The following SIPA1L1 variants were observed in gnomAD, a reference collection of about 807,000 sequenced individuals.
The protein encoded by SIPA1L1 is signal induced proliferation associated 1 like 1.
SIPA1L1 carries 26 observed loss-of-function variants against 162.7 expected under a neutral mutation model. That is an observed-to-expected ratio of 0.16 (90% CI 0.12 to 0.22). The LOEUF (loss-of-function observed/expected upper bound fraction) is 0.22. Among genes scored for constraint, SIPA1L1 ranks in the 10% least tolerant of loss-of-function variants. SIPA1L1 has a pLI of 1.00. For synonymous variants in SIPA1L1, 829 were observed against 837.4 expected (o/e 0.99, Z 0.17); for missense variants, 1,874 against 2,241.0 (o/e 0.84, Z 3.31).
intron 4 of SIPA1L1, among the ~76,000 whole-genome samples, chr14:71,572,731 C>T (rs1438583092): frequency 1.3e-5 from 2 of 152,050 alleles, no homozygotes; most frequent in African/African-American, 4.8e-5. Flanking sequence ...GATTTTTTTG[C>T]TTCTTATGTT....
chr14:71,671,279 A>G lies in SIPA1L1; in HGVS notation c.2416A>G (p.Thr806Ala), dbSNP rs771267714. Reference protein sequence around the residue: ...HKSEKFRAMATRTRQEYLKDL... With the variant: ...HKSEKFRAMAARTRQEYLKDL... Reference sequence around the variant, plus strand: ...ATCGGAGAAGTTTCGGGCCATGGCAACTCGGACCCGCCAGGAATACCTGAA... The same window carrying G: ...ATCGGAGAAGTTTCGGGCCATGGCAGCTCGGACCCGCCAGGAATACCTGAA... The change falls in exon 11 of 24, where the codon ACT becomes GCT. Residue 806 changes from threonine to alanine, a missense_variant. Thr to Ala is a moderately conservative substitution (Grantham distance 58). This residue lies in a region of SIPA1L1 where 243 missense variants were observed against 315.0 expected (regional missense o/e 0.77). Transcript: ENST00000381232. 4.3e-6 allele frequency: 7 copies of G among 1,614,202 alleles called. No individual in the cohort carries two copies. The highest frequency in any genetic ancestry group is 5.9e-6 in the Non-Finnish European group (7 of 1,180,040).
rs78326051 is a variant in SIPA1L1, at chr14:71,613,368, C to CT, written c.1499-5376dup. 4.6e-3 allele frequency among the ~76,000 whole-genome samples: 645 copies of CT among 140,106 alleles called. 8 individuals carry two copies. The highest frequency in any genetic ancestry group is 0.012 in the African/African-American group (462 of 38,550). The allele number at this position is 140,106 out of a possible 152,430, so 91.9% of individuals were successfully genotyped here. A position where few individuals can be genotyped will look rare whatever the true frequency, so the allele number is the denominator to read the frequency against. The stretch of plus-strand genomic sequence containing the variant: ...ACATGTATAAAAAAGAAGGAAGTAC[C>CT]TTTTTTTTTTTTTGGTTGATATGAT... On this transcript the variant is annotated intron_variant, in intron 5 of 23. Transcript: ENST00000381232.
chr14:71,449,281 G>T (rs2045638551), intron 2 of SIPA1L1, among the ~76,000 whole-genome samples: 1 of 152,338 alleles, frequency 6.6e-6, no homozygotes, highest in Non-Finnish European at 1.5e-5. Flanking sequence ...TTAAACTCTA[G>T]TTATGGTTTT....
intron 2 of SIPA1L1, among the ~76,000 whole-genome samples, chr14:71,479,600 G>A (rs186417942): frequency 6.6e-6 from 1 of 151,720 alleles, no homozygotes; most frequent in Non-Finnish European, 1.5e-5. Context: ...TAGAGACAAG[G>A]TCTCACTATA....
chr14:71,727,436 CT>C (rs75777361), intron 19 of SIPA1L1, among the ~76,000 whole-genome samples: 15,485 of 142,516 alleles, frequency 0.11, 951 homozygotes, highest in East Asian at 0.35. Flanking sequence ...CTCAGGAAGC[CT>C]TTTTTTTTTT....
intron 2 of SIPA1L1, among the ~76,000 whole-genome samples, chr14:71,438,657 G>A (rs1422405541): frequency 6.6e-6 from 1 of 152,190 alleles, no homozygotes; most frequent in East Asian, 1.9e-4. Flanking sequence ...AAAATTGTTT[G>A]TGCAGAATTC....
At chr14:71,475,531 A>G (rs1334120788) in intron 2 of SIPA1L1, among the ~76,000 whole-genome samples, 2 of 152,196 alleles carry the variant, frequency 1.3e-5, no homozygotes, top group African/African-American at 2.4e-5. Flanking sequence ...ATTTTTGGCA[A>G]ATTATGTCAG....
Position 71,709,646 on chromosome 14 carries a change from A to T in SIPA1L1, c.4190A>T (p.Asp1397Val), listed in dbSNP as rs2082720503. The T allele has an allele frequency of 6.2e-7, 1 of 1,612,428 alleles. No individual in the cohort carries two copies. The highest frequency in any genetic ancestry group is 1.3e-5 in the African/African-American group (1 of 74,840). ...GAGAACAGCACCTTCAGTATAAACG[A>T]TGCTGCTTCCCACACAAGGTAACCA... Reference protein sequence around the residue: ...TRENSTFSINDAASHTSTMSS... With the variant: ...TRENSTFSINVAASHTSTMSS... Residue 1397 changes from aspartate (D) to valine (V), a missense_variant, in exon 17 of 24, where the codon GAT becomes GTT. Physicochemically the swap from Asp to Val is radical, Grantham distance 152 (BLOSUM62 -3). This residue lies in a region of SIPA1L1 where 936 missense variants were observed against 1,051.9 expected (regional missense o/e 0.89). Coordinates refer to ENST00000381232, the MANE Select transcript of SIPA1L1 (RefSeq NM_001386936.1).
intron 2 of SIPA1L1, among the ~76,000 whole-genome samples, chr14:71,505,960 TCC>T (rs34146532): frequency 1.5e-5 from 2 of 137,748 alleles, no homozygotes; most frequent in African/African-American, 5.3e-5. Flanking sequence ...ATGCAAATAT[TCC>T]CCCCCCCCAA....
intron 12 of SIPA1L1, among the ~76,000 whole-genome samples, chr14:71,681,167 C>T (rs892992936): frequency 2.6e-5 from 4 of 152,182 alleles, no homozygotes; most frequent in African/African-American, 9.7e-5. Context: ...TCCTGGTAGA[C>T]TTCACTGGAA....
intron 4 of SIPA1L1, among the ~76,000 whole-genome samples, chr14:71,544,017 ACATACGCACATGTATGTATATACACACG>A (rs2054810307): frequency 2.0e-5 from 3 of 149,086 alleles, no homozygotes; most frequent in African/African-American, 7.7e-5. Flanking sequence ...GTATATATAC[ACATACGCACATGTATGTATATACACACG>A]CACGCACATG....
chr14:71,501,878 T>C (rs2050244665), intron 2 of SIPA1L1, among the ~76,000 whole-genome samples: 1 of 151,498 alleles, frequency 6.6e-6, no homozygotes, highest in Admixed American at 6.6e-5. Context: ...AATAAATAAA[T>C]AAATAAATAA....
At chr14:71,656,550 GT>G (rs1214562036) in intron 8 of SIPA1L1, among the ~76,000 whole-genome samples, 4 of 152,108 alleles carry the variant, frequency 2.6e-5, no homozygotes, top group African/African-American at 4.8e-5. Context: ...GTAATACACA[GT>G]TTTTTTGTTG....
chr14:71,653,473 C>T (rs766552986), intron 8 of SIPA1L1, among the ~76,000 whole-genome samples: 9 of 152,254 alleles, frequency 5.9e-5, no homozygotes, highest in Non-Finnish European at 1.2e-4. Context: ...TTCTGCCTAG[C>T]AAATATCAGT....
intron 17 of SIPA1L1, among the ~76,000 whole-genome samples, chr14:71,721,658 C>T (rs1381155167): frequency 6.6e-6 from 1 of 152,172 alleles, no homozygotes; most frequent in African/African-American, 2.4e-5. Flanking sequence ...AAGACAAAGC[C>T]CTCTGTAGTC....
chr14:71,322,711 G>A (rs1337086700), intron 2 of SIPA1L1, among the ~76,000 whole-genome samples: 1 of 152,210 alleles, frequency 6.6e-6, no homozygotes, highest in Non-Finnish European at 1.5e-5. Context: ...GGGATGAATG[G>A]CTTTATGTCT....
chr14:71,440,242 G>A (rs2044730513), intron 2 of SIPA1L1, among the ~76,000 whole-genome samples: 1 of 151,986 alleles, frequency 6.6e-6, no homozygotes, highest in African/African-American at 2.4e-5. Flanking sequence ...GCCCAGGCTG[G>A]TCTTGAACTC....
intron 5 of SIPA1L1, among the ~76,000 whole-genome samples, chr14:71,590,002 T>C (rs2035062256): frequency 7.2e-6 from 1 of 138,898 alleles, no homozygotes; most frequent in Non-Finnish European, 1.5e-5. Flanking sequence ...CTTTCTAATC[T>C]TTTCTTTGAG....
intron 2 of SIPA1L1, among the ~76,000 whole-genome samples, chr14:71,411,836 C>A (rs370242676): frequency 6.6e-6 from 1 of 152,192 alleles, no homozygotes; most frequent in African/African-American, 2.4e-5. Flanking sequence ...ATTCAGAAGA[C>A]AAAGTCAGAC....
Sources: gnomAD v4.1 joint callset for allele counts (sites outside exome capture counted in the v4.1 genomes callset) on GRCh38, gnomAD v4.1.1 for gene constraint, gnomAD v4.1.1 regional missense constraint, MANE v1.5 for transcripts, NCBI Gene and HGNC (gene_info 2026-07-23, HGNC 2026-07-21) for gene names.